The following NMUR1 variants were observed in gnomAD, a reference collection of about 807,000 sequenced individuals.
NMUR1 encodes neuromedin-U receptor 1.
NMUR1 carries 16 observed loss-of-function variants against 18.8 expected under a neutral mutation model. That is an observed-to-expected ratio of 0.85 (90% CI 0.58 to 1.29). NMUR1 has a LOEUF of 1.29. Ranked by LOEUF, NMUR1 falls within the 50% of genes most tolerant of loss-of-function variation. The probability of loss-of-function intolerance (pLI) is 0.00; values close to 1 mark genes in which losing one functional copy is unlikely to be tolerated. For synonymous variants in NMUR1, 258 were observed against 258.2 expected (o/e 1.00, Z 0.01); for missense variants, 529 against 580.3 (o/e 0.91, Z 0.91).
rs771726239 is a variant in NMUR1, at chr2:231,528,291, T to C, written c.730A>G (p.Met244Val). ...AGGTAGAGCACGCTCATGATGGCCATGGGCAGGCAGAAGAAGAGCAGCGCG... is the reference window on the plus strand; with the variant it reads ...AGGTAGAGCACGCTCATGATGGCCACGGGCAGGCAGAAGAAGAGCAGCGCG... ...TTALLFFCLPMAIMSVLYLLI... is the reference protein window; with the variant it reads ...TTALLFFCLPVAIMSVLYLLI... The change falls in exon 2 of 3, where the codon ATG becomes GTG. Residue 244 changes from methionine (M) to valine (V), a missense_variant. Transcript: ENST00000305141. 11 of 1,613,560 alleles carry C rather than the reference T, an allele frequency of 6.8e-6. No homozygotes were observed. Among genetic ancestry groups the C allele is most frequent in the South Asian group, 1.1e-5 (1 of 91,046 alleles).
chr2:231,523,730 T>A lies in NMUR1; in HGVS notation c.*1313A>T, dbSNP rs2047325839. The A allele has an allele frequency of 3.3e-5, 5 of 153,082 alleles. No homozygotes were observed. In the Admixed American group the frequency reaches 3.3e-4, roughly 10 times the overall value. 9.5% of individuals were successfully genotyped at this position (153,082 alleles called of 1,614,324 possible). The stretch of plus-strand genomic sequence containing the variant: ...CTCAGGGACTGCAGCAGGACAAGTT[T>A]CCTCCATGAACTGAGTCCTGGCTGA... On this transcript the variant is annotated 3_prime_UTR_variant, in exon 3 of 3. Transcript: ENST00000305141.
At chr2:231,521,979 T>C (rs200609808), downstream of NMUR1, among the ~76,000 whole-genome samples, 30 of 102,796 alleles carry the variant, frequency 2.9e-4, no homozygotes, top group Non-Finnish European at 3.4e-4. Context: ...TTCTCTTTTT[T>C]TTTTTTTTTT....
chr2:231,528,971 G>A lies in NMUR1; in HGVS notation c.50C>T (p.Pro17Leu). ...AGCCATGGGGTTCCTTGCACCCCCTGGGTACAGGTCTCCAGGGAGGACAGA... is the reference window on the plus strand; with the variant it reads ...AGCCATGGGGTTCCTTGCACCCCCTAGGTACAGGTCTCCAGGGAGGACAGA... ...NCSVLPGDLYPGGARNPMACN... is the reference protein window; with the variant it reads ...NCSVLPGDLYLGGARNPMACN... The change falls in exon 2 of 3, where the codon CCA becomes CTA. Residue 17 changes from proline to leucine, a missense_variant. By Grantham distance (98) the Pro-to-Leu change is moderately conservative. Transcript: ENST00000305141. The A allele has an allele frequency of 6.2e-7, 1 of 1,613,854 alleles. No individual in the cohort carries two copies. Among genetic ancestry groups the A allele is most frequent in the Non-Finnish European group, 8.5e-7 (1 of 1,179,910 alleles).
In NMUR1 at chr2:231,525,457, C is replaced by T. The variant is rs767346990; in HGVS notation, c.899-32G>A. On this transcript the variant is annotated intron_variant, in intron 2 of 2. Coordinates refer to ENST00000305141, the MANE Select transcript of NMUR1 (RefSeq NM_006056.5). Reference sequence around the variant, plus strand: ...GGACAGAGAAGGGAGGCCGAGTGCCCGCCCGAGGCCCCTCAGCTGCCTTCC... The same window carrying T: ...GGACAGAGAAGGGAGGCCGAGTGCCTGCCCGAGGCCCCTCAGCTGCCTTCC... 27 of 1,569,288 alleles carry T rather than the reference C, an allele frequency of 1.7e-5. No homozygotes were observed. The Middle Eastern group carries it at 6.1e-4, about 35-fold the overall frequency.
chr2:231,525,488 T>A, intron 2 of NMUR1, 63 bp from the exon 3 acceptor site: 1 of 1,534,978 alleles, frequency 6.5e-7, no homozygotes, highest in Non-Finnish European at 8.8e-7. Flanking sequence ...CTTCCCGGGC[T>A]TCAGTTTGGG....
At position 231,528,524 on chromosome 2, in the gene NMUR1, G is replaced by A; in HGVS notation, c.497C>T (p.Pro166Leu). The change falls in exon 2 of 3, where the codon CCA (proline) becomes CTA (leucine). Residue 166 changes from proline to leucine, a missense_variant. Coordinates refer to ENST00000305141, the MANE Select transcript of NMUR1 (RefSeq NM_006056.5). ...SVERYVAVVH[P>L]LQARSMVTRA... ...CGTCACCATGGACCTGGCCTGGAGT[G>A]GGTGCACCACGGCCACATAGCGTTC... is the stretch of plus-strand genomic sequence containing the variant. 6.2e-7 allele frequency: 1 copy of A among 1,613,890 alleles called. No homozygotes were observed. The highest frequency in any genetic ancestry group is 1.6e-4 in the Middle Eastern group (1 of 6,062).
Position 231,528,147 on chromosome 2 carries a change from G to C in NMUR1, c.874C>G (p.Arg292Gly), listed in dbSNP as rs760642418. ...CACAGCATCTTGGTCACTTGTCTCC[G>C]GCCCCGATCGTGCTGCTGGAGCCTG... ...TCRLQQHDRG[R>G]RQVTKMLFVL... is the part of the protein sequence containing the mutation. Residue 292 changes from arginine (R) to glycine (G), a missense_variant, in exon 2 of 3, where the codon CGG becomes GGG. Physicochemically the swap from Arg to Gly is moderately radical, Grantham distance 125 (BLOSUM62 -2). Transcript: ENST00000305141. 2.6e-6 allele frequency: 4 copies of C among 1,557,682 alleles called. No homozygotes were observed. The highest frequency in any genetic ancestry group is 1.7e-6 in the Non-Finnish European group (2 of 1,150,076).
At chr2:231,519,943 A>T (rs573216611), downstream of NMUR1, among the ~76,000 whole-genome samples, 90 of 151,916 alleles carry the variant, frequency 5.9e-4, 1 homozygote, top group Middle Eastern at 0.01. Context: ...TAAGATAAGA[A>T]GATAAGATAA....
Position 231,524,948 on chromosome 2 carries a change from T to C in NMUR1, c.*95A>G, listed in dbSNP as rs966617945. ...AATTTCTAGGCTGAACTAGGGACAGTACGTGAAGGCATCCCTGCAGAGGAA... is the reference window on the plus strand; with the variant it reads ...AATTTCTAGGCTGAACTAGGGACAGCACGTGAAGGCATCCCTGCAGAGGAA... On this transcript the variant is annotated 3_prime_UTR_variant, in exon 3 of 3. Transcript: ENST00000305141. 2.1e-5 allele frequency: 30 copies of C among 1,450,628 alleles called. No homozygotes were observed. The East Asian group carries it at 5.0e-4, about 24-fold the overall frequency. The allele number at this position is 1,450,628 out of a possible 1,614,324, so 89.9% of individuals were successfully genotyped here.
At chr2:231,521,208 T>G (rs2047301502), downstream of NMUR1, among the ~76,000 whole-genome samples, 1 of 152,134 alleles carries the variant, frequency 6.6e-6, no homozygotes, top group South Asian at 2.1e-4. Flanking sequence ...AGACGGTGCC[T>G]CTACAACACA....
intron 1 of NMUR1, among the ~76,000 whole-genome samples, 172 bp downstream of exon 1, chr2:231,530,187 C>T (rs375007513): frequency 6.6e-6 from 1 of 152,176 alleles, no homozygotes; most frequent in East Asian, 1.9e-4. Flanking sequence ...CCCCCCGGCG[C>T]CCCTGGCCGG....
At chr2:231,529,121 AT>A in intron 1 of NMUR1, 104 bp from the exon 2 acceptor site, 1 of 1,136,008 alleles carries the variant, frequency 8.8e-7, no homozygotes, top group Non-Finnish European at 1.2e-6. Context: ...GATGACCATT[AT>A]TTTAGGCACC....
chr2:231,519,817 C>T (rs1271086501), downstream of NMUR1, among the ~76,000 whole-genome samples: 1 of 152,130 alleles, frequency 6.6e-6, no homozygotes, highest in Non-Finnish European at 1.5e-5. Flanking sequence ...ATGAGTCAGG[C>T]GCAGTGGCTC....
chr2:231,530,394 C>T lies in NMUR1; in HGVS notation c.-33G>A, dbSNP rs1200116055. On this transcript the variant is annotated 5_prime_UTR_variant, in exon 1 of 3. It adds an upstream start codon to the 5' untranslated region. Coordinates refer to ENST00000305141, the MANE Select transcript of NMUR1 (RefSeq NM_006056.5). ...GCGGCCCGCGAGACCCCGGCTTCCA[C>T]CCTCCGAGCGACGGACACAGACGCG... The T allele has an allele frequency of 6.8e-7, 1 of 1,481,398 alleles. No individual in the cohort carries two copies. The highest frequency in any genetic ancestry group is 8.9e-7 in the Non-Finnish European group (1 of 1,123,220). The allele number at this position is 1,481,398 out of a possible 1,614,324, so 91.8% of individuals were successfully genotyped here. A position where few individuals can be genotyped will look rare whatever the true frequency, so the allele number is the denominator to read the frequency against.
chr2:231,527,658 A>G (rs1026776619), intron 2 of NMUR1, among the ~76,000 whole-genome samples: 2 of 150,500 alleles, frequency 1.3e-5, no homozygotes, highest in Admixed American at 6.6e-5. Context: ...AAAAAAAAAA[A>G]AAGAAGAGGA....
At chr2:231,520,500 C>T (rs1327610384), downstream of NMUR1, among the ~76,000 whole-genome samples, 1 of 152,208 alleles carries the variant, frequency 6.6e-6, no homozygotes, top group Non-Finnish European at 1.5e-5. Context: ...AAGTGGGAGA[C>T]TGGGCTTAGT....
At chr2:231,518,486 A>C (rs982066391), downstream of NMUR1, among the ~76,000 whole-genome samples, 1 of 152,224 alleles carries the variant, frequency 6.6e-6, no homozygotes, top group Non-Finnish European at 1.5e-5. Context: ...TGCTGGGATT[A>C]TAGGCATGAG....
rs2047327297 is a variant in NMUR1 at position 231,523,885 on chromosome 2, T to C, written c.*1158A>G. 6.6e-6 allele frequency: 1 copy of C among 152,666 alleles called. No individual in the cohort carries two copies. Among genetic ancestry groups the C allele is most frequent in the African/African-American group, 2.4e-5 (1 of 41,472 alleles). 9.5% of individuals were successfully genotyped at this position (152,666 alleles called of 1,614,324 possible). On this transcript the variant is annotated 3_prime_UTR_variant, in exon 3 of 3. Coordinates refer to ENST00000305141, the MANE Select transcript of NMUR1 (RefSeq NM_006056.5). ...GTCACTCCTTGCCCTTGGTTGGCCA[T>C]GTCTCTTGCCCTCAGAGACCCTCTG... is the stretch of plus-strand genomic sequence containing the variant.
In NMUR1 at chr2:231,528,951, T is replaced by C. The variant is rs2047388935; in HGVS notation, c.70A>G (p.Met24Val). 3 of 1,613,858 alleles carry C rather than the reference T, an allele frequency of 1.9e-6. No individual in the cohort carries two copies. Among genetic ancestry groups the C allele is most frequent in the Non-Finnish European group, 2.5e-6 (3 of 1,179,976 alleles). ...CTGGCCGCACTGCCATTGCAAGCCA[T>C]GGGGTTCCTTGCACCCCCTGGGTAC... ...DLYPGGARNP[M>V]ACNGSAARGH... Residue 24 changes from methionine (M) to valine (V), a missense_variant, in exon 2 of 3, where the codon ATG (methionine) becomes GTG (valine). Met to Val is a conservative substitution (Grantham distance 21). Coordinates refer to ENST00000305141, the MANE Select transcript of NMUR1 (RefSeq NM_006056.5).
Sources: allele counts gnomAD v4.1 joint callset (sites outside exome capture counted in the v4.1 genomes callset), GRCh38; gene constraint gnomAD v4.1.1; transcripts MANE v1.5; gene names NCBI Gene and HGNC (gene_info 2026-07-23, HGNC 2026-07-21).